B3GALT1: variants seen among roughly 807,000 people sequenced by gnomAD.
B3GALT1 encodes beta-1,3-galactosyltransferase 1.
A neutral mutation model predicts 23.2 loss-of-function variants in B3GALT1; 10 were observed. The observed-to-expected ratio is 0.43, with a 90% CI of 0.27 to 0.73. The LOEUF (loss-of-function observed/expected upper bound fraction) is 0.73. Among genes scored for constraint, B3GALT1 ranks in the 30% least tolerant of loss-of-function variants. The pLI, the probability that B3GALT1 is intolerant of heterozygous loss-of-function variation, is 0.21. For missense variants in B3GALT1, 299 were observed against 405.4 expected, an observed-to-expected ratio of 0.74 and a Z score of 2.25; for synonymous variants, 156 against 141.5, an observed-to-expected ratio of 1.10 and a Z score of -0.73.
At chr2:167,585,200 A>G (rs191493497) in intron 2 of B3GALT1, among the ~76,000 whole-genome samples, 96 of 152,324 alleles carry the variant, frequency 6.3e-4, no homozygotes, top group African/African-American at 2.1e-3. Context: ...GAATTTTACA[A>G]TTATCACAGT....
chr2:167,735,739 T>C (rs565780607), intron 3 of B3GALT1, among the ~76,000 whole-genome samples: 2 of 152,314 alleles, frequency 1.3e-5, no homozygotes, highest in African/African-American at 4.8e-5. Flanking sequence ...CCTAGATACA[T>C]TATCTCATTT....
chr2:167,720,157 T>C (rs572987176), intron 3 of B3GALT1, among the ~76,000 whole-genome samples: 8 of 152,356 alleles, frequency 5.3e-5, no homozygotes, highest in African/African-American at 1.2e-4. Flanking sequence ...TAAAGCAGGA[T>C]TGAACATTTT....
chr2:167,567,047 T>C (rs1684185731), intron 2 of B3GALT1, among the ~76,000 whole-genome samples: 3 of 152,184 alleles, frequency 2.0e-5, no homozygotes. Context: ...TGGTAATTCA[T>C]ATAGACTTAG....
chr2:167,758,878 G>A (rs1286508229), intron 3 of B3GALT1, among the ~76,000 whole-genome samples: 2 of 152,140 alleles, frequency 1.3e-5, no homozygotes, highest in African/African-American at 2.4e-5. Flanking sequence ...GGGACAAAAC[G>A]TGTCCACCAG....
chr2:167,668,655 C>T (rs936162790), intron 3 of B3GALT1, among the ~76,000 whole-genome samples: 17 of 152,180 alleles, frequency 1.1e-4, no homozygotes, highest in African/African-American at 2.9e-4. Flanking sequence ...TCTCCTGGTG[C>T]GCCGTTTTTT....
intron 3 of B3GALT1, among the ~76,000 whole-genome samples, chr2:167,796,649 T>C (rs1688551221): frequency 6.6e-6 from 1 of 152,080 alleles, no homozygotes. Flanking sequence ...TTCGGGAGGC[T>C]GAGAGGCACA....
intron 2 of B3GALT1, among the ~76,000 whole-genome samples, chr2:167,636,503 A>G (rs951912813): frequency 1.3e-5 from 2 of 152,164 alleles, no homozygotes; most frequent in Non-Finnish European, 1.5e-5. Flanking sequence ...CCAAAGGATT[A>G]TAAATCATTC....
chr2:167,663,081 G>C (rs937226856), intron 3 of B3GALT1, among the ~76,000 whole-genome samples: 2 of 150,594 alleles, frequency 1.3e-5, no homozygotes, highest in South Asian at 2.1e-4. Flanking sequence ...CTAGCATTAC[G>C]TATATCTCCC....
At chr2:167,544,541 C>G (rs1369174233) in intron 2 of B3GALT1, among the ~76,000 whole-genome samples, 2 of 152,174 alleles carry the variant, frequency 1.3e-5, no homozygotes, top group Non-Finnish European at 2.9e-5. Flanking sequence ...AAGTGACCCA[C>G]CCACCTCGGC....
chr2:167,638,258 A>G (rs1685592183), intron 2 of B3GALT1, among the ~76,000 whole-genome samples: 1 of 152,094 alleles, frequency 6.6e-6, no homozygotes, highest in Admixed American at 6.6e-5. Context: ...AGGCTATTGT[A>G]TGATATTGAA....
chr2:167,596,468 G>A (rs1684776302), intron 2 of B3GALT1, among the ~76,000 whole-genome samples: 1 of 152,120 alleles, frequency 6.6e-6, no homozygotes, highest in South Asian at 2.1e-4. Context: ...TACATTCCAA[G>A]TCTCATTGTT....
At chr2:167,754,283 A>G (rs1340991587) in intron 3 of B3GALT1, among the ~76,000 whole-genome samples, 1 of 152,186 alleles carries the variant, frequency 6.6e-6, no homozygotes, top group African/African-American at 2.4e-5. Context: ...TGAAAAGTGA[A>G]AGTTTTCATG....
At chr2:167,850,302 A>T (rs1417565156) in intron 4 of B3GALT1, among the ~76,000 whole-genome samples, 4 of 152,234 alleles carry the variant, frequency 2.6e-5, no homozygotes, top group African/African-American at 9.6e-5. Flanking sequence ...AATGCTCAAC[A>T]TCACTAATGA....
intron 1 of B3GALT1, among the ~76,000 whole-genome samples, chr2:167,440,296 T>A (rs1698858665): frequency 6.8e-6 from 1 of 146,232 alleles, no homozygotes; most frequent in South Asian, 2.1e-4. Context: ...TGAGCCAAGA[T>A]TGCACCACTG....
chr2:167,336,496 G>A (rs985711412), intron 1 of B3GALT1, among the ~76,000 whole-genome samples: 2 of 152,140 alleles, frequency 1.3e-5, no homozygotes, highest in African/African-American at 2.4e-5. Flanking sequence ...ATAAAAGCAG[G>A]TTAGATTAGT....
intron 1 of B3GALT1, among the ~76,000 whole-genome samples, chr2:167,427,513 C>T (rs764166263): frequency 4.6e-5 from 7 of 152,066 alleles, no homozygotes; most frequent in African/African-American, 9.7e-5. Flanking sequence ...AATTTTTAGC[C>T]ACTTTGGATA....
intron 2 of B3GALT1, among the ~76,000 whole-genome samples, chr2:167,596,657 TA>T (rs1225258766): frequency 6.6e-6 from 1 of 151,108 alleles, no homozygotes; most frequent in African/African-American, 2.5e-5. Context: ...CCCAGTAATA[TA>T]AAAATAGAGG....
chr2:167,716,535 T>C (rs1234280041), intron 3 of B3GALT1, among the ~76,000 whole-genome samples: 1 of 152,230 alleles, frequency 6.6e-6, no homozygotes, highest in African/African-American at 2.4e-5. Context: ...TTTTTCATCC[T>C]TTTAATTTGG....
intron 4 of B3GALT1, among the ~76,000 whole-genome samples, chr2:167,833,220 G>C (rs1689387644): frequency 6.6e-6 from 1 of 152,152 alleles, no homozygotes; most frequent in East Asian, 1.9e-4. Flanking sequence ...TCTCACTGTG[G>C]TCTGGGAAAA....
Sources: allele counts gnomAD v4.1 joint callset (sites outside exome capture counted in the v4.1 genomes callset), GRCh38; gene constraint gnomAD v4.1.1; transcripts MANE v1.5; gene names NCBI Gene and HGNC (gene_info 2026-07-23, HGNC 2026-07-21).